Variants in KCNN3 observed in about 807,000 individuals in gnomAD.
The protein encoded by KCNN3 is potassium calcium-activated channel subfamily N member 3.
Under a neutral mutation model 62.9 loss-of-function variants are expected in KCNN3, and 16 were observed. That is an observed-to-expected ratio of 0.25 (90% confidence interval 0.17 to 0.39). KCNN3 has a LOEUF of 0.39. Ranked by LOEUF, KCNN3 falls within the 10% of genes least tolerant of loss-of-function variation. KCNN3 has a pLI of 1.00. For synonymous variants in KCNN3, 370 were observed against 389.2 expected (o/e 0.95, Z 0.58); for missense variants, 599 against 949.4 (o/e 0.63, Z 4.85).
chr1:154,733,412 G>A (rs1384130612), intron 3 of KCNN3, among the ~76,000 whole-genome samples: 1 of 152,168 alleles, frequency 6.6e-6, no homozygotes, highest in African/African-American at 2.4e-5. Context: ...CCTCATTGTA[G>A]ACATCCTTTT....
chr1:154,787,328 A>ACCAGGGCCAGGG (rs749891862), intron 2 of KCNN3, among the ~76,000 whole-genome samples: 4 of 152,052 alleles, frequency 2.6e-5, no homozygotes, highest in Non-Finnish European at 4.4e-5. Context: ...GGAGGGAGGG[A>ACCAGGGCCAGGG]CCAGGGCCAG....
chr1:154,757,001 C>T (rs1647751887), intron 3 of KCNN3, among the ~76,000 whole-genome samples: 1 of 152,174 alleles, frequency 6.6e-6, no homozygotes, highest in African/African-American at 2.4e-5. Context: ...CAATGCTCCA[C>T]TTGGGATGCA....
At chr1:154,866,903 G>A (rs1029722227) in intron 1 of KCNN3, among the ~76,000 whole-genome samples, 1 of 152,214 alleles carries the variant, frequency 6.6e-6, no homozygotes, top group Non-Finnish European at 1.5e-5. Flanking sequence ...GGTGGCACCT[G>A]CCCCAGGCAG....
Position 154,789,410 on chromosome 1 carries a change from G to C in KCNN3, c.1030-17017C>G, listed in dbSNP as rs557803088. Among the ~76,000 whole-genome samples, 11 of 151,996 alleles carry C rather than the reference G, an allele frequency of 7.2e-5. No individual in the cohort carries two copies. In the East Asian group the frequency reaches 1.9e-3, roughly 27 times the overall value. On this transcript the variant is annotated intron_variant, in intron 2 of 7. Coordinates refer to ENST00000271915, the MANE Select transcript of KCNN3 (RefSeq NM_002249.6). ...GGATTAGGAGCTGGATATTTTGGCA[G>C]GGTGGTGGTCGGTGGGGCAGGGGGG...
chr1:154,710,945 G>C (rs12081433), intron 7 of KCNN3, among the ~76,000 whole-genome samples: 43,970 of 151,980 alleles, frequency 0.29, 6,416 homozygotes, highest in Middle Eastern at 0.36. Context: ...AGATTCCTCA[G>C]GGATCTAGAA....
At chr1:154,732,511 G>A (rs995954395) in intron 4 of KCNN3, among the ~76,000 whole-genome samples, 6 of 152,180 alleles carry the variant, frequency 3.9e-5, no homozygotes, top group South Asian at 4.1e-4. Flanking sequence ...GGACAGCCCC[G>A]TCCAGGACTC....
intron 3 of KCNN3, among the ~76,000 whole-genome samples, chr1:154,756,667 A>T (rs1178649269): frequency 2.0e-5 from 3 of 152,158 alleles, no homozygotes; most frequent in Non-Finnish European, 4.4e-5. Flanking sequence ...GACACCTCCA[A>T]GCAGGCCCCA....
rs542872326 is a variant in KCNN3, at chr1:154,760,870, C to G, written c.1448+11105G>C. On this transcript the variant is annotated intron_variant, in intron 3 of 7. Transcript: ENST00000271915. ...GGCGCGCGCCCGCGAAGAAGCACTCCGGCCCCGCAAAGGCGCCCCGCGGCC... is the reference window on the plus strand; with the variant it reads ...GGCGCGCGCCCGCGAAGAAGCACTCGGGCCCCGCAAAGGCGCCCCGCGGCC... 5.3e-5 allele frequency among the ~76,000 whole-genome samples: 8 copies of G among 152,380 alleles called. No homozygotes were observed. The South Asian group carries it at 1.2e-3, about 24-fold the overall frequency.
intron 2 of KCNN3, among the ~76,000 whole-genome samples, chr1:154,789,421 G>A (rs543399921): frequency 5.3e-5 from 8 of 151,300 alleles, no homozygotes; most frequent in African/African-American, 2.0e-4. Context: ...GGTGGTGGTC[G>A]GTGGGGCAGG....
chr1:154,770,929 T>C (rs1304608483), intron 3 of KCNN3, among the ~76,000 whole-genome samples: 1 of 152,160 alleles, frequency 6.6e-6, no homozygotes, highest in South Asian at 2.1e-4. Context: ...TGGTGGCGCA[T>C]GCCTGTAATC....
rs1571300540 is a variant in KCNN3, at chr1:154,812,135, CG to C, written c.1029+9953del. Among the ~76,000 whole-genome samples the C allele has an allele frequency of 2.0e-5, 3 of 152,290 alleles. No homozygotes were observed. In the East Asian group the frequency reaches 5.8e-4, roughly 29 times the overall value. On this transcript the variant is annotated intron_variant, in intron 2 of 7. Coordinates refer to ENST00000271915, the MANE Select transcript of KCNN3 (RefSeq NM_002249.6). ...CTGAGGCACACCCCTGATTGAGAAC[CG>C]CTGCCACGGGGGAAATGATCATCAT...
intron 5 of KCNN3, 47 bp from the exon 6 acceptor site, chr1:154,715,050 A>C: frequency 6.2e-7 from 1 of 1,610,904 alleles, no homozygotes; most frequent in Non-Finnish European, 8.5e-7. Flanking sequence ...TCATTTTCTT[A>C]GGTTCATTTT....
chr1:154,782,791 C>A (rs992342721), intron 2 of KCNN3, among the ~76,000 whole-genome samples: 1 of 152,236 alleles, frequency 6.6e-6, no homozygotes, highest in Admixed American at 6.5e-5. Flanking sequence ...CAAACCAAGA[C>A]AGGTTCAATC....
intron 2 of KCNN3, among the ~76,000 whole-genome samples, chr1:154,802,546 CAGAAATCACCAGATGGTA>C (rs1650003025): frequency 6.6e-6 from 1 of 152,174 alleles, no homozygotes; most frequent in Non-Finnish European, 1.5e-5. Context: ...CAGCATTATC[CAGAAATCACCAGATGGTA>C]AGAAATCACC....
intron 1 of KCNN3, among the ~76,000 whole-genome samples, chr1:154,825,276 T>A (rs1236012938): frequency 6.6e-6 from 1 of 152,112 alleles, no homozygotes; most frequent in Non-Finnish European, 1.5e-5. Flanking sequence ...TCAACCCTTC[T>A]GCCCCGTGAC....
intron 1 of KCNN3, among the ~76,000 whole-genome samples, chr1:154,858,770 T>A (rs1033731939): frequency 2.7e-5 from 4 of 150,548 alleles, no homozygotes; most frequent in Non-Finnish European, 5.9e-5. Flanking sequence ...AAGGTGTCAC[T>A]ATGTTGCCCA....
chr1:154,840,684 G>A (rs1651788402), intron 1 of KCNN3, among the ~76,000 whole-genome samples: 1 of 152,200 alleles, frequency 6.6e-6, no homozygotes, highest in Non-Finnish European at 1.5e-5. Flanking sequence ...CCAAACAGCA[G>A]AGCCATTTCC....
In KCNN3 at chr1:154,774,519, C is replaced by T. The variant is rs551827415; in HGVS notation, c.1030-2126G>A. Among the ~76,000 whole-genome samples, 151 of 152,360 alleles carry T rather than the reference C, an allele frequency of 9.9e-4. 2 individuals are homozygous for T. In the South Asian group the frequency reaches 0.024, roughly 24 times the overall value. On this transcript the variant is annotated intron_variant, in intron 2 of 7. Coordinates refer to ENST00000271915, the MANE Select transcript of KCNN3 (RefSeq NM_002249.6). ...ATGATTTGATTCTTGGAGGGTGAGGCCTGAGATCCGGGCATATGTTCGGTG... is the reference window on the plus strand; with the variant it reads ...ATGATTTGATTCTTGGAGGGTGAGGTCTGAGATCCGGGCATATGTTCGGTG...
intron 5 of KCNN3, among the ~76,000 whole-genome samples, chr1:154,725,447 G>T (rs1172009050): frequency 1.3e-5 from 2 of 152,058 alleles, no homozygotes; most frequent in Non-Finnish European, 2.9e-5. Flanking sequence ...GCGTATGAAG[G>T]TGCTGTTTCC....
Sources: allele counts gnomAD v4.1 joint callset (sites outside exome capture counted in the v4.1 genomes callset), GRCh38; gene constraint gnomAD v4.1.1; transcripts MANE v1.5; gene names NCBI Gene and HGNC (gene_info 2026-07-23, HGNC 2026-07-21).